Variants in PDPN observed in about 807,000 individuals in gnomAD.
The protein encoded by PDPN is podoplanin, also known as PA2.26 antigen.
PDPN carries 12 observed loss-of-function variants against 23.2 expected under a neutral mutation model. The ratio of observed to expected loss-of-function variants is 0.52; its 90% CI spans 0.33 to 0.84. PDPN has a LOEUF of 0.84. PDPN is among the 40% of genes least tolerant of loss of function. The pLI is 0.02. For missense variants in PDPN, 199 were observed against 212.2 expected, an observed-to-expected ratio of 0.94 and a Z score of 0.39; for synonymous variants, 77 against 76.7, an observed-to-expected ratio of 1.00 and a Z score of -0.02.
intron 4 of PDPN, 144 bp downstream of exon 4, chr1:13,613,869 GCTTTTTTT>G: frequency 4.1e-6 from 1 of 241,718 alleles, no homozygotes; most frequent in East Asian, 8.1e-5. Flanking sequence ...CAGATTTCAA[GCTTTTTTT>G]TTTTTTTTTT....
At chr1:13,605,664 C>T (rs1440064309) in intron 1 of PDPN, among the ~76,000 whole-genome samples, 1 of 152,116 alleles carries the variant, frequency 6.6e-6, no homozygotes, top group African/African-American at 2.4e-5. Context: ...TGCTCTGTCA[C>T]CAGGTTGGAG....
rs35244657 is a variant in PDPN, at chr1:13,599,011, C to CTTTTTTTT, written c.68-8152_68-8145dup. Among the ~76,000 whole-genome samples, 621 of 126,964 alleles carry CTTTTTTTT rather than the reference C, an allele frequency of 4.9e-3. 14 individuals are homozygous for CTTTTTTTT. The East Asian group carries it at 0.074, about 15-fold the overall frequency. The allele number at this position is 126,964 out of a possible 152,430, so 83.3% of individuals were successfully genotyped here. The stretch of plus-strand genomic sequence containing the variant: ...ACAGTCCAAGAAAGTGCCCCCCCTC[C>CTTTTTTTT]TTTTTTTTTTTTTTTTTGGAGATGG... On this transcript the variant is annotated intron_variant, in intron 1 of 5. Coordinates refer to ENST00000621990, the MANE Select transcript of PDPN (RefSeq NM_006474.5).
At chr1:13,603,619 C>G (rs1640705927) in intron 1 of PDPN, among the ~76,000 whole-genome samples, 1 of 149,812 alleles carries the variant, frequency 6.7e-6, no homozygotes, top group African/African-American at 2.5e-5. Context: ...GACAGAGTCT[C>G]ACTTTGCCAC....
At chr1:13,595,679 C>T (rs1435403278) in intron 1 of PDPN, 4 of 416,926 alleles carry the variant, frequency 9.6e-6, no homozygotes, top group African/African-American at 4.1e-5. Context: ...GGTCTCATCT[C>T]GTCATTGGTC....
chr1:13,587,859 G>A (rs149369748), intron 1 of PDPN, among the ~76,000 whole-genome samples: 3 of 152,144 alleles, frequency 2.0e-5, no homozygotes, highest in Non-Finnish European at 4.4e-5. Context: ...TCTAACCCCA[G>A]CCCCTGTCCA....
At chr1:13,594,485 G>A (rs952729289) in intron 1 of PDPN, among the ~76,000 whole-genome samples, 1 of 152,186 alleles carries the variant, frequency 6.6e-6, no homozygotes, top group Non-Finnish European at 1.5e-5. Flanking sequence ...TAGAAGTAGA[G>A]AGGAATATAA....
At chr1:13,612,903 T>C (rs1214142941) in intron 3 of PDPN, among the ~76,000 whole-genome samples, 2 of 63,702 alleles carry the variant, frequency 3.1e-5, no homozygotes, top group African/African-American at 1.2e-4. Context: ...TCAAGGCATC[T>C]TGACTTTTTC....
chr1:13,604,036 C>A (rs1640717514), intron 1 of PDPN, among the ~76,000 whole-genome samples: 2 of 152,222 alleles, frequency 1.3e-5, no homozygotes, highest in Non-Finnish European at 2.9e-5. Flanking sequence ...GCTGGTACAC[C>A]ACTCCAGAAC....
intron 1 of PDPN, among the ~76,000 whole-genome samples, chr1:13,598,910 C>T (rs760606372): frequency 8.6e-5 from 13 of 151,892 alleles, no homozygotes; most frequent in East Asian, 7.7e-4. Flanking sequence ...AGACAAGTAG[C>T]GAGCAGGTAG....
intron 2 of PDPN, 70 bp from the exon 3 acceptor site, chr1:13,610,317 T>G: frequency 1.5e-6 from 2 of 1,347,252 alleles, no homozygotes; most frequent in Non-Finnish European, 1.0e-6. Flanking sequence ...AATCCTTTTA[T>G]AAGGCAGGGG....
At chr1:13,615,877 C>T (rs1470433324) in intron 5 of PDPN, 28 bp from the exon 6 acceptor site, 15 of 1,607,538 alleles carry the variant, frequency 9.3e-6, no homozygotes, top group East Asian at 2.2e-5. Flanking sequence ...GTAAGAGACA[C>T]GACCGTCACC....
At chr1:13,607,498 G>A (rs575213671) in intron 2 of PDPN, among the ~76,000 whole-genome samples, 192 bp downstream of exon 2, 1 of 152,292 alleles carries the variant, frequency 6.6e-6, no homozygotes, top group African/African-American at 2.4e-5. Context: ...ATAGGTTCTT[G>A]GAAACTGTGA....
At position 13,610,375 on chromosome 1, in the gene PDPN, C is replaced by G. The variant is rs768574623; in HGVS notation, c.202-12C>G. 6.2e-7 allele frequency: 1 copy of G among 1,610,118 alleles called. No homozygotes were observed. The highest frequency in any genetic ancestry group is 1.7e-5 in the Admixed American group (1 of 59,624). On this transcript the variant is annotated splice_polypyrimidine_tract_variant and intron_variant, in intron 2 of 5. Transcript: ENST00000621990. ...TTTATTTCCTGTTTTTCCTCATTTA[C>G]ACCTACAATAGGTGGCAACAAGTGT...
At chr1:13,610,921 G>C (rs2100278410) in intron 3 of PDPN, among the ~76,000 whole-genome samples, 1 of 152,322 alleles carries the variant, frequency 6.6e-6, no homozygotes. Flanking sequence ...CTGCATGCAT[G>C]GTGCAAGAAT....
intron 1 of PDPN, chr1:13,584,386 A>C: frequency 3.8e-6 from 5 of 1,326,124 alleles, no homozygotes; most frequent in Non-Finnish European, 5.0e-6. Flanking sequence ...AGCACCAGAG[A>C]GATCGGGTGG....
intron 5 of PDPN, chr1:13,614,948 C>T: frequency 2.6e-6 from 1 of 384,916 alleles, no homozygotes; most frequent in South Asian, 2.0e-5. Flanking sequence ...CACATTTGAT[C>T]TCTTGTTTTA....
chr1:13,604,015 T>C (rs1640716937), intron 1 of PDPN, among the ~76,000 whole-genome samples: 1 of 152,290 alleles, frequency 6.6e-6, no homozygotes, highest in African/African-American at 2.4e-5. Context: ...AAAGGGTGTT[T>C]ATGTGAGCAC....
At position 13,601,924 on chromosome 1, in the gene PDPN, T is replaced by C. The variant is rs542825732; in HGVS notation, c.68-5249T>C. On this transcript the variant is annotated intron_variant, in intron 1 of 5. Coordinates refer to ENST00000621990, the MANE Select transcript of PDPN (RefSeq NM_006474.5). ...AAACAAGTTTAAGAAGTTTGACTACTGATAGCTTGGTCATTTGCAAAAGAA... is the reference window on the plus strand; with the variant it reads ...AAACAAGTTTAAGAAGTTTGACTACCGATAGCTTGGTCATTTGCAAAAGAA... Among the ~76,000 whole-genome samples, 3 of 152,348 alleles carry C rather than the reference T, an allele frequency of 2.0e-5. No homozygotes were observed. In the South Asian group the frequency reaches 6.2e-4, roughly 32 times the overall value.
rs980404035 is a variant in PDPN at position 13,600,226 on chromosome 1, G to A, written c.68-6947G>A. Among the ~76,000 whole-genome samples, 5 of 152,266 alleles carry A rather than the reference G, an allele frequency of 3.3e-5. No individual in the cohort carries two copies. In the East Asian group the frequency reaches 7.7e-4, roughly 24 times the overall value. On this transcript the variant is annotated intron_variant, in intron 1 of 5. Transcript: ENST00000621990. ...CAGAACCCAGGGAGGGAGGCAGCAG[G>A]CATTTTAGCCCAAAGCTGCCGGGAG...
Sources: gnomAD v4.1 joint callset for allele counts (sites outside exome capture counted in the v4.1 genomes callset) on GRCh38, gnomAD v4.1.1 for gene constraint, MANE v1.5 for transcripts, NCBI Gene and HGNC (gene_info 2026-07-23, HGNC 2026-07-21) for gene names.